Variants in MYT1L observed in about 807,000 individuals in gnomAD.
MYT1L encodes the protein myelin transcription factor 1-like protein.
MYT1L carries 12 observed loss-of-function variants against 126.7 expected under a neutral mutation model. The ratio of observed to expected loss-of-function variants is 0.09; its 90% CI spans 0.06 to 0.15. The LOEUF is 0.15. Among genes scored for constraint, MYT1L ranks in the 10% least tolerant of loss-of-function variants. MYT1L has a pLI of 1.00. For missense variants in MYT1L, 979 were observed against 1,585.2 expected (o/e 0.62, Z 6.49); for synonymous variants, 541 against 604.2 (o/e 0.90, Z 1.53).
intron 1 of MYT1L, among the ~76,000 whole-genome samples, chr2:2,296,745 A>T (rs2095700633): frequency 6.6e-6 from 1 of 152,138 alleles, no homozygotes; most frequent in African/African-American, 2.4e-5. Flanking sequence ...GCGTCCCTCT[A>T]GTAAAGAGAA....
At chr2:2,123,584 C>G (rs899991305) in intron 3 of MYT1L, among the ~76,000 whole-genome samples, 1 of 152,200 alleles carries the variant, frequency 6.6e-6, no homozygotes, top group African/African-American at 2.4e-5. Flanking sequence ...TCCTCCTGCT[C>G]TGGCCTTACA....
At position 1,903,300 on chromosome 2, in the gene MYT1L, A is replaced by G; in HGVS notation, c.1818-6T>C. On this transcript the variant is annotated splice_polypyrimidine_tract_variant and splice_region_variant and intron_variant, in intron 13 of 24. Transcript: ENST00000647738. ...GCTTCACAAAGCACATTGGCCTGGA[A>G]GTAAACAAGAAAACAAACAACAGCT... is the stretch of plus-strand genomic sequence containing the variant. The G allele has an allele frequency of 6.2e-7, 1 of 1,607,670 alleles. No individual in the cohort carries two copies. The highest frequency in any genetic ancestry group is 2.2e-5 in the East Asian group (1 of 44,768).
At chr2:2,111,024 G>C (rs894609880) in intron 3 of MYT1L, among the ~76,000 whole-genome samples, 1 of 152,186 alleles carries the variant, frequency 6.6e-6, no homozygotes, top group Non-Finnish European at 1.5e-5. Context: ...GAGGAACGCG[G>C]CCCTGGAGCC....
At chr2:2,186,302 G>A (rs984271970) in intron 2 of MYT1L, among the ~76,000 whole-genome samples, 3 of 151,600 alleles carry the variant, frequency 2.0e-5, no homozygotes, top group South Asian at 2.1e-4. Context: ...GGACGTAGCC[G>A]GGCCTCCCCG....
chr2:2,262,939 G>GATATATATATATATAT (rs60682131), intron 2 of MYT1L, among the ~76,000 whole-genome samples: 920 of 50,574 alleles, frequency 0.018, 57 homozygotes, highest in South Asian at 0.036. Context: ...TATAACCTGT[G>GATATATATATATATAT]ATATATATAT....
chr2:2,231,439 T>A (rs1439139688), intron 2 of MYT1L, among the ~76,000 whole-genome samples: 1 of 152,190 alleles, frequency 6.6e-6, no homozygotes, highest in African/African-American at 2.4e-5. Context: ...TTTATTTTTT[T>A]AATTTTTTAT....
At chr2:1,906,863 A>G (rs892519330) in intron 13 of MYT1L, among the ~76,000 whole-genome samples, 1 of 151,892 alleles carries the variant, frequency 6.6e-6, no homozygotes, top group Non-Finnish European at 1.5e-5. Flanking sequence ...GGATCACTTG[A>G]GCCCAGGAGT....
intron 9 of MYT1L, among the ~76,000 whole-genome samples, chr2:1,938,875 A>G (rs2056305605): frequency 6.6e-6 from 1 of 152,242 alleles, no homozygotes; most frequent in Non-Finnish European, 1.5e-5. Context: ...ACTTAATCTT[A>G]AATTATAAAC....
intron 2 of MYT1L, among the ~76,000 whole-genome samples, chr2:2,259,768 T>C (rs1488848336): frequency 2.6e-5 from 4 of 152,154 alleles, no homozygotes; most frequent in Non-Finnish European, 4.4e-5. Context: ...GGCTTCAGGA[T>C]TGGGAATCCT....
At chr2:2,267,541 AATGCCCCAG>A (rs1224560528) in intron 2 of MYT1L, among the ~76,000 whole-genome samples, 1 of 152,162 alleles carries the variant, frequency 6.6e-6, no homozygotes, top group African/African-American at 2.4e-5. Context: ...ACAGAAAAAA[AATGCCCCAG>A]ATGGAAGCAA....
intron 2 of MYT1L, among the ~76,000 whole-genome samples, chr2:2,250,035 G>C (rs2094605632): frequency 6.6e-6 from 1 of 152,112 alleles, no homozygotes; most frequent in African/African-American, 2.4e-5. Flanking sequence ...ATGCTGGATA[G>C]AATGTTGAGA....
intron 2 of MYT1L, among the ~76,000 whole-genome samples, chr2:2,251,912 AAAG>A (rs1213459409): frequency 6.6e-6 from 1 of 151,576 alleles, no homozygotes; most frequent in Non-Finnish European, 1.5e-5. Context: ...AAGAAAAGAA[AAAG>A]AAAGAAAGAA....
At chr2:2,264,867 A>T (rs778845416) in intron 2 of MYT1L, among the ~76,000 whole-genome samples, 5 of 152,148 alleles carry the variant, frequency 3.3e-5, no homozygotes, top group Non-Finnish European at 5.9e-5. Flanking sequence ...AGCACTTCTC[A>T]TGGCAAAATA....
At chr2:2,127,558 TC>T (rs1006319016) in intron 3 of MYT1L, among the ~76,000 whole-genome samples, 3 of 152,154 alleles carry the variant, frequency 2.0e-5, no homozygotes, top group African/African-American at 7.2e-5. Flanking sequence ...TCCAGAATGT[TC>T]CCCTACACCC....
rs539442271 is a variant in MYT1L, at chr2:1,818,821, G to A, written c.3081-9654C>T. ...TTCTCAAGCCAAGATCCAGAATTTG[G>A]AGGTTTTTCCCCTAAAAATATTCTG... On this transcript the variant is annotated intron_variant, in intron 21 of 24. Coordinates refer to ENST00000647738, the MANE Select transcript of MYT1L (RefSeq NM_001303052.2). Among the ~76,000 whole-genome samples the A allele has an allele frequency of 2.0e-5, 3 of 152,276 alleles. No homozygotes were observed. In the South Asian group the frequency reaches 6.2e-4, roughly 32 times the overall value.
intron 2 of MYT1L, among the ~76,000 whole-genome samples, chr2:2,178,886 G>C (rs1287208581): frequency 1.3e-5 from 2 of 152,180 alleles, no homozygotes; most frequent in Non-Finnish European, 2.9e-5. Context: ...CCAACAAAGT[G>C]AAAAGTAGTT....
intron 1 of MYT1L, among the ~76,000 whole-genome samples, chr2:2,321,470 A>T (rs897772060): frequency 6.6e-6 from 1 of 152,166 alleles, no homozygotes; most frequent in African/African-American, 2.4e-5. Flanking sequence ...TTCGTGCACC[A>T]GGGAGGGGAG....
intron 13 of MYT1L, among the ~76,000 whole-genome samples, chr2:1,908,426 T>C (rs1321655020): frequency 6.6e-6 from 1 of 151,448 alleles, no homozygotes; most frequent in Non-Finnish European, 1.5e-5. Context: ...TGGGCAGTTG[T>C]AGGTGGGCAG....
intron 13 of MYT1L, among the ~76,000 whole-genome samples, chr2:1,906,821 T>TA (rs2051117185): frequency 6.6e-6 from 1 of 151,922 alleles, no homozygotes; most frequent in South Asian, 2.1e-4. Flanking sequence ...CTCATGCCTG[T>TA]AATCCCAACA....
Sources: gnomAD v4.1 joint callset for allele counts (sites outside exome capture counted in the v4.1 genomes callset) on GRCh38, gnomAD v4.1.1 for gene constraint, MANE v1.5 for transcripts, NCBI Gene and HGNC (gene_info 2026-07-23, HGNC 2026-07-21) for gene names.